Variants in PYM1 observed in about 807,000 individuals in gnomAD.
PYM1 encodes PYM1 exon junction complex associated factor.
A neutral mutation model predicts 20.7 loss-of-function variants in PYM1; 7 were observed. The observed-to-expected ratio is 0.34, with a 90% CI of 0.19 to 0.64. The LOEUF (loss-of-function observed/expected upper bound fraction) is 0.64, where lower values mean the gene tolerates loss of function less well. PYM1 is among the 30% of genes least tolerant of loss of function. The probability of loss-of-function intolerance (pLI) is 0.74; values close to 1 mark genes in which losing one functional copy is unlikely to be tolerated. For synonymous variants in PYM1, 100 were observed against 99.2 expected (o/e 1.01, Z -0.05); for missense variants, 194 against 250.0 (o/e 0.78, Z 1.51).
rs190420964 is a variant in PYM1 at position 55,910,167 on chromosome 12, A to G, written c.38-6687T>C. On this transcript the variant is annotated intron_variant, in intron 1 of 2. Coordinates refer to ENST00000408946, the MANE Select transcript of PYM1 (RefSeq NM_032345.3). ...TATTTTTAGAGATTCTGAGCCAAAT[A>G]TAAGTGACCATGGCCTCTGACACTG... 4.6e-5 allele frequency among the ~76,000 whole-genome samples: 7 copies of G among 152,102 alleles called. No homozygotes were observed. In the East Asian group the frequency reaches 1.4e-3, roughly 29 times the overall value.
At chr12:55,923,519 TG>T (rs1883135730) in intron 1 of PYM1, among the ~76,000 whole-genome samples, 1 of 149,192 alleles carries the variant, frequency 6.7e-6, no homozygotes, top group African/African-American at 2.5e-5. Context: ...AAATGGTGAT[TG>T]CACCACTGCA....
rs907352346 is a variant in PYM1, at chr12:55,910,733, C to A, written c.38-7253G>T. On this transcript the variant is annotated intron_variant, in intron 1 of 2. Coordinates refer to ENST00000408946, the MANE Select transcript of PYM1 (RefSeq NM_032345.3). ...TGTTGGGATTGCAGGCGTGAGCCACCACACCTGGTTTTATATATTTTAGGG... is the reference window on the plus strand; with the variant it reads ...TGTTGGGATTGCAGGCGTGAGCCACAACACCTGGTTTTATATATTTTAGGG... Among the ~76,000 whole-genome samples, 4 of 152,218 alleles carry A rather than the reference C, an allele frequency of 2.6e-5. No homozygotes were observed. In the South Asian group the frequency reaches 6.2e-4, roughly 24 times the overall value.
chr12:55,909,597 ACAC>A (rs1373138815), intron 1 of PYM1, among the ~76,000 whole-genome samples: 2 of 151,660 alleles, frequency 1.3e-5, no homozygotes, highest in East Asian at 3.9e-4. Context: ...AAAAAAAAAA[ACAC>A]CAGAGACATG....
At chr12:55,924,079 G>GAA (rs767599235) in intron 1 of PYM1, among the ~76,000 whole-genome samples, 1 of 123,810 alleles carries the variant, frequency 8.1e-6, no homozygotes, top group Admixed American at 8.1e-5. Context: ...CTGTCTCAAA[G>GAA]AAAAAAAAAA....
At position 55,927,807 on chromosome 12, in the gene PYM1, G is replaced by T; in HGVS notation, c.-46C>A. The T allele has an allele frequency of 1.3e-6, 2 of 1,527,524 alleles. No individual in the cohort carries two copies. The allele number at this position is 1,527,524 out of a possible 1,614,324, so 94.6% of individuals were successfully genotyped here. ...AGGTTGGGCGGGCGGCCCTGGCCTG[G>T]CTCTGCCCCGCTGGGCGGCGCCGGG... On this transcript the variant is annotated 5_prime_UTR_variant, in exon 1 of 3. Transcript: ENST00000408946.
intron 1 of PYM1, among the ~76,000 whole-genome samples, chr12:55,925,210 G>A (rs573196740): frequency 1.3e-5 from 2 of 152,340 alleles, no homozygotes; most frequent in South Asian, 2.1e-4. Context: ...TATTATCAAA[G>A]TGGCTGGTCA....
At chr12:55,914,538 A>G (rs1882974813) in intron 1 of PYM1, among the ~76,000 whole-genome samples, 1 of 152,216 alleles carries the variant, frequency 6.6e-6, no homozygotes, top group Non-Finnish European at 1.5e-5. Context: ...GTCAGCAATA[A>G]AAACTCTTAC....
At chr12:55,910,644 A>G (rs1343812640) in intron 1 of PYM1, among the ~76,000 whole-genome samples, 1 of 152,050 alleles carries the variant, frequency 6.6e-6, no homozygotes, top group Non-Finnish European at 1.5e-5. Context: ...GGGTTTCGCC[A>G]TGTTGGCCAG....
chr12:55,903,511 C>T (rs956264672), intron 1 of PYM1, 31 bp from the exon 2 acceptor site: 1 of 1,596,976 alleles, frequency 6.3e-7, no homozygotes, highest in Non-Finnish European at 8.6e-7. Flanking sequence ...TTGAAAATTA[C>T]TCTTATTTTC....
At chr12:55,911,220 T>C (rs1018106297) in intron 1 of PYM1, among the ~76,000 whole-genome samples, 5 of 152,168 alleles carry the variant, frequency 3.3e-5, no homozygotes, top group African/African-American at 1.2e-4. Flanking sequence ...ACGATTCTCC[T>C]GCCTCAGCCT....
At chr12:55,925,117 A>G (rs1223246435) in intron 1 of PYM1, among the ~76,000 whole-genome samples, 4 of 152,246 alleles carry the variant, frequency 2.6e-5, no homozygotes. Context: ...CCAAGAAAAC[A>G]TCTCTAATCA....
chr12:55,906,797 C>T (rs1301508696), intron 1 of PYM1, among the ~76,000 whole-genome samples: 2 of 151,988 alleles, frequency 1.3e-5, no homozygotes, highest in Non-Finnish European at 2.9e-5. Context: ...TACAGGCATG[C>T]ACCACAATAC....
intron 1 of PYM1, among the ~76,000 whole-genome samples, chr12:55,915,664 G>A (rs2640568): frequency 0.039 from 5,844 of 151,792 alleles, 382 homozygotes; most frequent in African/African-American, 0.13. Context: ...TACAGACTAA[G>A]TAAGGAGGAA....
intron 1 of PYM1, chr12:55,914,357 G>A (rs186202876): frequency 2.1e-5 from 15 of 702,164 alleles, no homozygotes; most frequent in Non-Finnish European, 3.4e-5. Flanking sequence ...AGGTTTGGCG[G>A]TTCCCACCCC....
intron 1 of PYM1, among the ~76,000 whole-genome samples, chr12:55,912,619 T>A (rs933795049): frequency 6.7e-6 from 1 of 148,824 alleles, no homozygotes; most frequent in Non-Finnish European, 1.5e-5. Flanking sequence ...TTGATTTACC[T>A]CTTGCTAGTT....
intron 1 of PYM1, among the ~76,000 whole-genome samples, chr12:55,904,528 G>A (rs770076341): frequency 2.1e-4 from 31 of 147,952 alleles, no homozygotes; most frequent in Admixed American, 2.0e-4. Context: ...CCCAGGAGGC[G>A]GACATTGCAG....
intron 1 of PYM1, among the ~76,000 whole-genome samples, chr12:55,907,634 G>GAAA (rs112040261): frequency 5.1e-4 from 64 of 126,428 alleles, no homozygotes; most frequent in African/African-American, 1.4e-3. Flanking sequence ...CTTCGTCTGG[G>GAAA]AAAAAAAAAA....
At chr12:55,917,829 G>GC (rs1883033685) in intron 1 of PYM1, among the ~76,000 whole-genome samples, 1 of 152,040 alleles carries the variant, frequency 6.6e-6, no homozygotes, top group Admixed American at 6.6e-5. Flanking sequence ...TCATGGTGGT[G>GC]CATGCCTGTA....
intron 1 of PYM1, among the ~76,000 whole-genome samples, chr12:55,919,892 C>CAAAAAAAAAAAAAAAAAAA (rs34105681): frequency 6.8e-6 from 1 of 146,784 alleles, no homozygotes; most frequent in Non-Finnish European, 1.5e-5. Context: ...GACTCCGTCT[C>CAAAAAAAAAAAAAAAAAAA]AAAAAAAAAA....
Sources: gnomAD v4.1 joint callset for allele counts (sites outside exome capture counted in the v4.1 genomes callset) on GRCh38, gnomAD v4.1.1 for gene constraint, MANE v1.5 for transcripts, NCBI Gene and HGNC (gene_info 2026-07-23, HGNC 2026-07-21) for gene names.